Variants in KATNAL1 observed in about 807,000 individuals in gnomAD.
KATNAL1 encodes the protein katanin p60 ATPase-containing subunit A-like 1.
KATNAL1 carries 32 observed loss-of-function variants against 55.2 expected under a neutral mutation model. That is an observed-to-expected ratio of 0.58 (90% CI 0.44 to 0.78). KATNAL1 has a LOEUF of 0.78. Ranked by LOEUF, KATNAL1 falls within the 30% of genes least tolerant of loss-of-function variation. KATNAL1 has a pLI of 0.00. For synonymous variants in KATNAL1, 193 were observed against 193.6 expected (o/e 1.00, Z 0.02); for missense variants, 466 against 600.9 (o/e 0.78, Z 2.35).
chr13:30,209,313 A>G (rs755987813), intron 10 of KATNAL1, among the ~76,000 whole-genome samples: 7 of 152,246 alleles, frequency 4.6e-5, no homozygotes, highest in Non-Finnish European at 1.0e-4. Flanking sequence ...TCTGGAAGAA[A>G]AGGATAATTC....
At chr13:30,229,215 T>A (rs1405024310) in intron 8 of KATNAL1, among the ~76,000 whole-genome samples, 1 of 151,916 alleles carries the variant, frequency 6.6e-6, no homozygotes, top group Admixed American at 6.6e-5. Flanking sequence ...TCCTGATAAC[T>A]CCTATCAATG....
At chr13:30,219,228 T>C (rs1874609406) in intron 9 of KATNAL1, among the ~76,000 whole-genome samples, 1 of 152,232 alleles carries the variant, frequency 6.6e-6, no homozygotes, top group Non-Finnish European at 1.5e-5. Context: ...AATCATTCTT[T>C]TCAGATCTCT....
chr13:30,232,787 G>A (rs1876237420), intron 6 of KATNAL1, among the ~76,000 whole-genome samples: 1 of 151,802 alleles, frequency 6.6e-6, no homozygotes, highest in Non-Finnish European at 1.5e-5. Context: ...TTTGTCTACT[G>A]GCTCTTTCCC....
rs557515799 is a variant in KATNAL1 at position 30,293,044 on chromosome 13, T to A, written c.-14-9253A>T. 3.9e-5 allele frequency among the ~76,000 whole-genome samples: 6 copies of A among 152,308 alleles called. No homozygotes were observed. The South Asian group carries it at 8.3e-4, about 21-fold the overall frequency. ...TGCTTTGAAATGGGTCTATCTGGGG[T>A]TCTTTCAATGTAGAAATTAATGTCT... On this transcript the variant is annotated intron_variant, in intron 1 of 10. Transcript: ENST00000380615.
At chr13:30,260,434 G>T (rs996729905) in intron 3 of KATNAL1, among the ~76,000 whole-genome samples, 1 of 152,104 alleles carries the variant, frequency 6.6e-6, no homozygotes, top group African/African-American at 2.4e-5. Flanking sequence ...GCTATGGGGG[G>T]AAATTCAAAC....
At chr13:30,213,545 T>C (rs1289302643) in intron 9 of KATNAL1, among the ~76,000 whole-genome samples, 2 of 152,128 alleles carry the variant, frequency 1.3e-5, no homozygotes. Context: ...GCAAACCGAA[T>C]CCAGCAGCAC....
chr13:30,222,629 T>TA (rs1009655850), intron 9 of KATNAL1, among the ~76,000 whole-genome samples: 4 of 151,622 alleles, frequency 2.6e-5, no homozygotes, highest in Non-Finnish European at 4.4e-5. Context: ...CAGGTATAGC[T>TA]AAAAATCCAA....
chr13:30,249,956 T>C (rs1325135234), intron 4 of KATNAL1, among the ~76,000 whole-genome samples: 1 of 152,230 alleles, frequency 6.6e-6, no homozygotes, highest in Non-Finnish European at 1.5e-5. Flanking sequence ...TTGAATAAGT[T>C]GTATTTTTAA....
In KATNAL1 at chr13:30,210,452, G is replaced by A. The variant is rs1338200783; in HGVS notation, c.1148-10C>T. 3 of 1,593,362 alleles carry A rather than the reference G, an allele frequency of 1.9e-6. No homozygotes were observed. The African/African-American group carries it at 4.1e-5, about 22-fold the overall frequency. On this transcript the variant is annotated splice_polypyrimidine_tract_variant and intron_variant, in intron 9 of 10. Coordinates refer to ENST00000380615, the MANE Select transcript of KATNAL1 (RefSeq NM_032116.5). ...TCAGCTCTTCCTTTTGCTGTTACAA[G>A]ATTTTGGTGGTGTTGTTAGATGTTT... is the stretch of plus-strand genomic sequence containing the variant.
chr13:30,278,183 T>C (rs1881007131), intron 3 of KATNAL1, among the ~76,000 whole-genome samples: 1 of 152,000 alleles, frequency 6.6e-6, no homozygotes, highest in Non-Finnish European at 1.5e-5. Context: ...TTTCTTATTG[T>C]TGTTGATGGT....
intron 3 of KATNAL1, among the ~76,000 whole-genome samples, chr13:30,268,526 G>GA (rs1424727269): frequency 6.6e-6 from 1 of 151,980 alleles, no homozygotes; most frequent in Non-Finnish European, 1.5e-5. Flanking sequence ...AAACCAATGA[G>GA]AAAAAAAGTT....
chr13:30,294,877 T>C (rs1010623959), intron 1 of KATNAL1, among the ~76,000 whole-genome samples: 35 of 152,196 alleles, frequency 2.3e-4, no homozygotes, highest in Non-Finnish European at 7.3e-5. Flanking sequence ...ATGCTGAAGC[T>C]ACTCTGCCTG....
intron 1 of KATNAL1, 105 bp downstream of exon 1, chr13:30,307,226 C>A (rs1037159554): frequency 5.9e-5 from 9 of 152,362 alleles, no homozygotes; most frequent in African/African-American, 2.2e-4. Context: ...ACCCCGCAGC[C>A]CACTGCCCTG....
At position 30,237,282 on chromosome 13, in the gene KATNAL1, A is replaced by T. The variant is rs550285921; in HGVS notation, c.726+3178T>A. ...CTTACTAAGTACTAGGCCCTGAGGA[A>T]AAAAAGTCGAATCTGTCAGGAATCA... is the stretch of plus-strand genomic sequence containing the variant. On this transcript the variant is annotated intron_variant, in intron 6 of 10. Transcript: ENST00000380615. 2.0e-5 allele frequency among the ~76,000 whole-genome samples: 3 copies of T among 152,346 alleles called. No individual in the cohort carries two copies. In the South Asian group the frequency reaches 6.2e-4, roughly 32 times the overall value.
chr13:30,266,745 C>G (rs1879812649), intron 3 of KATNAL1, among the ~76,000 whole-genome samples: 1 of 152,188 alleles, frequency 6.6e-6, no homozygotes, highest in Non-Finnish European at 1.5e-5. Context: ...TTAAATCTCC[C>G]TGGAGTTAAA....
intron 9 of KATNAL1, 102 bp downstream of exon 9, chr13:30,227,310 C>A: frequency 9.0e-7 from 1 of 1,110,616 alleles, no homozygotes; most frequent in Non-Finnish European, 1.3e-6. Flanking sequence ...TTTTGTGATG[C>A]TATAAACTTC....
intron 4 of KATNAL1, among the ~76,000 whole-genome samples, chr13:30,245,804 C>T (rs1226479321): frequency 1.3e-5 from 2 of 152,036 alleles, no homozygotes; most frequent in Admixed American, 6.5e-5. Context: ...ACAACTGCTA[C>T]AAAGAGAATA....
Position 30,206,701 on chromosome 13 carries a change from C to T in KATNAL1, c.*1839G>A, listed in dbSNP as rs1006162527. 6.6e-6 allele frequency: 1 copy of T among 151,584 alleles called. No homozygotes were observed. Among genetic ancestry groups the T allele is most frequent in the African/African-American group, 2.4e-5 (1 of 41,296 alleles). 9.4% of individuals were successfully genotyped at this position (151,584 alleles called of 1,614,324 possible). A position where few individuals can be genotyped will look rare whatever the true frequency, so the allele number is the denominator to read the frequency against. ...TACTTTTGCACCAACCCATTACAAA[C>T]AAGTTTTAACAATCACAAGACTAAT... On this transcript the variant is annotated 3_prime_UTR_variant, in exon 11 of 11. Transcript: ENST00000380615.
At chr13:30,303,243 A>G (rs1435372433) in intron 1 of KATNAL1, among the ~76,000 whole-genome samples, 1 of 152,344 alleles carries the variant, frequency 6.6e-6, no homozygotes, top group East Asian at 1.9e-4. Context: ...GTGAAGATTA[A>G]ACCACCTTGA....
Sources: allele counts gnomAD v4.1 joint callset (sites outside exome capture counted in the v4.1 genomes callset), GRCh38; gene constraint gnomAD v4.1.1; transcripts MANE v1.5; gene names NCBI Gene and HGNC (gene_info 2026-07-23, HGNC 2026-07-21).